Variants in PSMC1 observed in about 807,000 individuals in gnomAD.
PSMC1 encodes the protein 26S proteasome regulatory subunit 4.
In PSMC1, 5 loss-of-function variants were observed where a neutral mutation model predicts 49.8. The ratio of observed to expected loss-of-function variants is 0.10; its 90% CI spans 0.05 to 0.21. The LOEUF (loss-of-function observed/expected upper bound fraction) is 0.21. PSMC1 is among the 10% of genes least tolerant of loss of function. The pLI, the probability that PSMC1 is intolerant of heterozygous loss-of-function variation, is 1.00. For missense variants in PSMC1, 181 were observed against 535.7 expected, an observed-to-expected ratio of 0.34 and a Z score of 6.54; for synonymous variants, 155 against 192.1, an observed-to-expected ratio of 0.81 and a Z score of 1.60.
Position 90,270,223 on chromosome 14 carries a change from C to T in PSMC1, c.1059C>T (p.Phe353=). 2 of 1,613,526 alleles carry T rather than the reference C, an allele frequency of 1.2e-6. No homozygotes were observed. The highest frequency in any genetic ancestry group is 2.7e-5 in the African/African-American group (2 of 74,950). The change falls in exon 10 of 11, where the codon TTC becomes TTT. Residue 353 remains phenylalanine, a synonymous_variant. Transcript: ENST00000261303. ...RPGRIDRKIE[F]PLPDEKTKKR... ...GCCGCATTGACAGGAAGATTGAGTT[C>T]CCCCTGCCTGATGAAAAGACGAAGA...
chr14:90,272,065 T>G lies in PSMC1; in HGVS notation c.1189-208T>G. ...CTGCCACCGTCCCTGGCTAACTTTT[T>G]GTATTTTTAGTAGAGATGGGGTTTC... is the stretch of plus-strand genomic sequence containing the variant. On this transcript the variant is annotated intron_variant, in intron 10 of 10. Transcript: ENST00000261303. The surrounding 1 kb of genome is among the most constrained non-coding windows in gnomAD (Gnocchi z 4.5). 2.6e-6 allele frequency: 1 copy of G among 390,774 alleles called. No homozygotes were observed. The highest frequency in any genetic ancestry group is 4.8e-6 in the Non-Finnish European group (1 of 208,356). The allele number at this position is 390,774 out of a possible 1,614,324, so 24.2% of individuals were successfully genotyped here. A position where few individuals can be genotyped will look rare whatever the true frequency, so the allele number is the denominator to read the frequency against.
chr14:90,261,679 T>C (rs543620946), intron 3 of PSMC1, among the ~76,000 whole-genome samples: 56 of 152,158 alleles, frequency 3.7e-4, no homozygotes, highest in African/African-American at 1.2e-3. Context: ...TGTGGAGAAA[T>C]AGGAACACTT....
intron 3 of PSMC1, 82 bp downstream of exon 3, chr14:90,260,293 G>A: frequency 9.9e-7 from 1 of 1,005,174 alleles, no homozygotes; most frequent in Non-Finnish European, 1.5e-6. Context: ...GTCTGAAAGG[G>A]GTAACAGGAA....
In PSMC1 at chr14:90,260,296, A is replaced by AAC. The variant is rs1296069259; in HGVS notation, c.154+87_154+88dup. 4 of 951,888 alleles carry AAC rather than the reference A, an allele frequency of 4.2e-6. No individual in the cohort carries two copies. In the African/African-American group the frequency reaches 6.6e-5, roughly 16 times the overall value. The allele number at this position is 951,888 out of a possible 1,614,324, so 59.0% of individuals were successfully genotyped here. A position where few individuals can be genotyped will look rare whatever the true frequency, so the allele number is the denominator to read the frequency against. On this transcript the variant is annotated intron_variant, in intron 3 of 10. Coordinates refer to ENST00000261303, the MANE Select transcript of PSMC1 (RefSeq NM_002802.3). ...ATGTAGCTTAGAGTCTGAAAGGGGT[A>AAC]ACAGGAAGTAGAGGGGCAACTGAAG...
chr14:90,274,431 G>GAGTT lies in PSMC1; in HGVS notation c.*2027_*2030dup, dbSNP rs1331528990. ...ACAGTGGGAGCCAGGTTTCTCTGAGGAGTTAGACACAGAAAGAAGAAAACA... is the reference window on the plus strand; with the variant it reads ...ACAGTGGGAGCCAGGTTTCTCTGAGGAGTTAGTTAGACACAGAAAGAAGAAAACA... On this transcript the variant is annotated 3_prime_UTR_variant, in exon 11 of 11. Transcript: ENST00000261303. 5 of 153,668 alleles carry GAGTT rather than the reference G, an allele frequency of 3.3e-5. No homozygotes were observed. Among genetic ancestry groups the GAGTT allele is most frequent in the South Asian group, 4.1e-4 (2 of 4,852 alleles). 9.5% of individuals were successfully genotyped at this position (153,668 alleles called of 1,614,324 possible).
At chr14:90,258,531 A>G (rs1891338543) in intron 1 of PSMC1, among the ~76,000 whole-genome samples, 1 of 152,204 alleles carries the variant, frequency 6.6e-6, no homozygotes, top group Non-Finnish European at 1.5e-5. Flanking sequence ...AGGGTCTCTT[A>G]AAATCAGGAA....
chr14:90,259,163 C>A lies in PSMC1; in HGVS notation c.7C>A (p.Gln3Lys). The change falls in exon 2 of 11, where the codon CAA (glutamine) becomes AAA (lysine). Residue 3 changes from glutamine (Q) to lysine (K), a missense_variant. Around this residue, in one of 3 missense-constraint regions of PSMC1, gnomAD observed 121 missense variants for 358.6 expected, o/e 0.34. Transcript: ENST00000261303. MG[Q>K]SQSGGHGPGG... Reference sequence around the variant, plus strand: ...GTGCCTGATTTTTCTCCTCCAGGGTCAAAGTCAGAGTGGTGGTCATGGTCC... The same window carrying A: ...GTGCCTGATTTTTCTCCTCCAGGGTAAAAGTCAGAGTGGTGGTCATGGTCC... 1 of 1,613,630 alleles carries A rather than the reference C, an allele frequency of 6.2e-7. No individual in the cohort carries two copies. Among genetic ancestry groups the A allele is most frequent in the Non-Finnish European group, 8.5e-7 (1 of 1,179,766 alleles).
At chr14:90,268,198 T>C in intron 7 of PSMC1, 26 bp from the exon 8 acceptor site, 2 of 1,540,148 alleles carry the variant, frequency 1.3e-6, no homozygotes, top group Non-Finnish European at 1.7e-6. Flanking sequence ...TGTCTTTTTT[T>C]TTTTTATCTT....
intron 8 of PSMC1, chr14:90,268,685 G>A (rs567978208): frequency 5.8e-6 from 2 of 343,018 alleles, no homozygotes; most frequent in South Asian, 1.4e-4. Flanking sequence ...ACACAGTTGT[G>A]AGCACAAGTC....
At chr14:90,266,065 G>A (rs919592096) in intron 7 of PSMC1, among the ~76,000 whole-genome samples, 4 of 151,902 alleles carry the variant, frequency 2.6e-5, no homozygotes, top group Non-Finnish European at 5.9e-5. Context: ...AGACCAGCCC[G>A]GCCAACATGG....
intron 10 of PSMC1, 133 bp downstream of exon 10, chr14:90,270,485 G>T: frequency 2.0e-6 from 2 of 996,464 alleles, no homozygotes; most frequent in Non-Finnish European, 2.8e-6. Flanking sequence ...ATTGGTTTAC[G>T]ATTACATCCA....
At chr14:90,269,198 C>T (rs1194399757) in intron 8 of PSMC1, 199 bp from the exon 9 acceptor site, 1 of 569,564 alleles carries the variant, frequency 1.8e-6, no homozygotes, top group Admixed American at 3.2e-5. Flanking sequence ...AGTTTCAACA[C>T]ATAAATTTGG....
Position 90,270,349 on chromosome 14 carries a change from C to G in PSMC1, c.1185C>G (p.Ile395Met). The G allele has an allele frequency of 6.2e-7, 1 of 1,612,520 alleles. No individual in the cohort carries two copies. The highest frequency in any genetic ancestry group is 8.5e-7 in the Non-Finnish European group (1 of 1,179,590). Residue 395 changes from isoleucine to methionine, a missense_variant, in exon 10 of 11, where the codon ATC becomes ATG. Around this residue, in one of 3 missense-constraint regions of PSMC1, gnomAD observed 60 missense variants for 155.5 expected, o/e 0.39. Coordinates refer to ENST00000261303, the MANE Select transcript of PSMC1 (RefSeq NM_002802.3). ...AAGATGACCTCTCTGGTGCTGACATCAAGGTGAGAGCCTAGCCGTGTCAGC... is the reference window on the plus strand; with the variant it reads ...AAGATGACCTCTCTGGTGCTGACATGAAGGTGAGAGCCTAGCCGTGTCAGC... ...MAKDDLSGAD[I>M]KAICTEAGLM...
At chr14:90,271,030 C>CT (rs1231752805) in intron 10 of PSMC1, 1 of 148,870 alleles carries the variant, frequency 6.7e-6, no homozygotes, top group Non-Finnish European at 1.5e-5. Flanking sequence ...TAAAATCTAT[C>CT]TTCTTTTTTA....
chr14:90,272,495 C>T lies in PSMC1; in HGVS notation c.*88C>T, dbSNP rs1277671387. 19 of 863,014 alleles carry T rather than the reference C, an allele frequency of 2.2e-5. No individual in the cohort carries two copies. The highest frequency in any genetic ancestry group is 3.3e-5 in the Non-Finnish European group (19 of 570,304). The allele number at this position is 863,014 out of a possible 1,614,324, so 53.5% of individuals were successfully genotyped here. A position where few individuals can be genotyped will look rare whatever the true frequency, so the allele number is the denominator to read the frequency against. On this transcript the variant is annotated 3_prime_UTR_variant, in exon 11 of 11. Transcript: ENST00000261303. The surrounding 1 kb of genome is among the most constrained non-coding windows in gnomAD (Gnocchi z 4.5). ...TTGGGGGAGTTGCCCAGAGGAATCC[C>T]TGTTCCCACTGATTTTTATTAGCAA... is the stretch of plus-strand genomic sequence containing the variant.
rs757695727 is a variant in PSMC1, at chr14:90,270,370, T to G, written c.1188+18T>G. ...ACATCAAGGTGAGAGCCTAGCCGTG[T>G]CAGCTTATTTCTGGGAATGTGGCCG... On this transcript the variant is annotated intron_variant, in intron 10 of 10. Transcript: ENST00000261303. 72 of 1,604,656 alleles carry G rather than the reference T, an allele frequency of 4.5e-5. No individual in the cohort carries two copies. Among genetic ancestry groups the G allele is most frequent in the Admixed American group, 3.0e-4 (18 of 59,274 alleles).
At position 90,256,622 on chromosome 14, in the gene PSMC1, T is replaced by A. The variant is rs569687087; in HGVS notation, c.3+22T>A. On this transcript the variant is annotated intron_variant, in intron 1 of 10. Transcript: ENST00000261303. ...GATGGTGAGTGACTAAGGGTTTCTT[T>A]CCGCTGGTCGTCGCGGTGCGATGGG... 4.3e-5 allele frequency: 68 copies of A among 1,586,084 alleles called. No individual in the cohort carries two copies. The South Asian group carries it at 7.6e-4, about 18-fold the overall frequency.
At chr14:90,259,836 G>C (rs1891362994) in intron 2 of PSMC1, among the ~76,000 whole-genome samples, 1 of 151,910 alleles carries the variant, frequency 6.6e-6, no homozygotes, top group East Asian at 1.9e-4. Context: ...TGGCCAAGCT[G>C]GTCTCAAACT....
intron 8 of PSMC1, chr14:90,268,904 TG>T (rs1891588818): frequency 6.3e-6 from 1 of 159,842 alleles, no homozygotes; most frequent in Non-Finnish European, 1.4e-5. Context: ...CCCACAGTTC[TG>T]GAGGCTGAGA....
Sources: gnomAD v4.1 joint callset for allele counts (sites outside exome capture counted in the v4.1 genomes callset) on GRCh38, gnomAD v4.1.1 for gene constraint, gnomAD v4.1.1 regional missense constraint, Gnocchi (gnomAD v3.1) non-coding constraint, MANE v1.5 for transcripts, NCBI Gene and HGNC (gene_info 2026-07-23, HGNC 2026-07-21) for gene names.